GOLM2: variants seen among roughly 807,000 people sequenced by gnomAD.
The protein encoded by GOLM2 is protein GOLM2.
In GOLM2, 26 loss-of-function variants were observed where a neutral mutation model predicts 55.9. The observed-to-expected ratio is 0.47, with a 90% confidence interval of 0.34 to 0.65. GOLM2 has a LOEUF of 0.65. GOLM2 is among the 30% of genes least tolerant of loss of function. The probability of loss-of-function intolerance (pLI) is 0.01; values close to 1 mark genes in which losing one functional copy is unlikely to be tolerated. For missense variants in GOLM2, 486 were observed against 531.8 expected (o/e 0.91, Z 0.85); for synonymous variants, 165 against 194.6 (o/e 0.85, Z 1.27).
intron 6 of GOLM2, among the ~76,000 whole-genome samples, chr15:44,359,067 G>A (rs777717457): frequency 3.3e-5 from 5 of 151,614 alleles, no homozygotes; most frequent in South Asian, 4.2e-4. Flanking sequence ...GGAGAATGGC[G>A]TGAACCAGGG....
At chr15:44,324,703 A>T (rs942593471) in intron 2 of GOLM2, among the ~76,000 whole-genome samples, 6 of 151,984 alleles carry the variant, frequency 3.9e-5, no homozygotes, top group African/African-American at 1.4e-4. Context: ...CCTTGTTTTT[A>T]TGCCTGTTAC....
intron 1 of GOLM2, among the ~76,000 whole-genome samples, chr15:44,318,303 A>C (rs1484356548): frequency 1.3e-5 from 2 of 152,176 alleles, no homozygotes; most frequent in Non-Finnish European, 2.9e-5. Flanking sequence ...CCCACCTCTG[A>C]CTTAGACCAA....
chr15:44,334,138 C>G (rs994143362), intron 4 of GOLM2, among the ~76,000 whole-genome samples: 5 of 152,150 alleles, frequency 3.3e-5, no homozygotes, highest in African/African-American at 4.8e-5. Context: ...TAATGCTTCT[C>G]CAATTCTTCC....
intron 8 of GOLM2, among the ~76,000 whole-genome samples, chr15:44,387,803 T>C (rs1431798291): frequency 6.6e-6 from 1 of 152,012 alleles, no homozygotes; most frequent in Non-Finnish European, 1.5e-5. Flanking sequence ...TTTGTGTGTG[T>C]TGATCTTGTA....
At chr15:44,397,970 C>A (rs2079538791) in intron 8 of GOLM2, among the ~76,000 whole-genome samples, 1 of 152,178 alleles carries the variant, frequency 6.6e-6, no homozygotes. Context: ...GTATCTGATT[C>A]ATCAGTTTCT....
At chr15:44,363,251 C>G (rs1200019019) in intron 6 of GOLM2, among the ~76,000 whole-genome samples, 4 of 152,090 alleles carry the variant, frequency 2.6e-5, no homozygotes, top group African/African-American at 9.7e-5. Context: ...TCAGAGTGAA[C>G]AGGCAACCCA....
intron 1 of GOLM2, among the ~76,000 whole-genome samples, chr15:44,321,880 C>A (rs1017474375): frequency 4.6e-5 from 7 of 151,644 alleles, no homozygotes; most frequent in Non-Finnish European, 1.0e-4. Context: ...AGCAAGACCC[C>A]GTCTCTGCAA....
At chr15:44,307,048 G>A (rs892597025) in intron 1 of GOLM2, among the ~76,000 whole-genome samples, 1 of 152,150 alleles carries the variant, frequency 6.6e-6, no homozygotes, top group South Asian at 2.1e-4. Context: ...GACATGAAGT[G>A]AGCACATGTT....
In GOLM2 at chr15:44,347,692, G is replaced by A. The variant is rs139804554; in HGVS notation, c.802+9375G>A. Reference sequence around the variant, plus strand: ...CTGGGATCAGAGCCAGTGGTCTTGCGGGGGCACACAACCTAGTGAGACAGC... The same window carrying A: ...CTGGGATCAGAGCCAGTGGTCTTGCAGGGGCACACAACCTAGTGAGACAGC... On this transcript the variant is annotated intron_variant, in intron 6 of 9. Transcript: ENST00000299957. Among the ~76,000 whole-genome samples the A allele has an allele frequency of 4.6e-4, 70 of 152,222 alleles. 1 individual carries two copies. The East Asian group carries it at 0.013, about 29-fold the overall frequency.
rs575172586 is a variant in GOLM2 at position 44,406,158 on chromosome 15, T to G, written c.1240+3104T>G. Among the ~76,000 whole-genome samples the G allele has an allele frequency of 2.0e-5, 3 of 152,084 alleles. No individual in the cohort carries two copies. In the South Asian group the frequency reaches 6.3e-4, roughly 32 times the overall value. ...GCTCACACCTGTAATCCCAGAACTT[T>G]GGGAGGCCAAGGCAGGCGGATCACC... On this transcript the variant is annotated intron_variant, in intron 9 of 9. Transcript: ENST00000299957.
At position 44,290,648 on chromosome 15, in the gene GOLM2, T is replaced by C. The variant is rs117964614; in HGVS notation, c.327+1292T>C. 4.2e-3 allele frequency among the ~76,000 whole-genome samples: 641 copies of C among 152,304 alleles called. 17 individuals carry two copies. The highest frequency in any genetic ancestry group is 0.042 in the East Asian group (218 of 5,188). ...CAGAGTAGGTAGAAATCCATGAAAG[T>C]TTGGAGTATTAAAGTAAGGTCTTCC... On this transcript the variant is annotated intron_variant, in intron 1 of 9. Transcript: ENST00000299957.
chr15:44,410,278 A>C (rs2079628933), intron 9 of GOLM2, among the ~76,000 whole-genome samples: 1 of 152,164 alleles, frequency 6.6e-6, no homozygotes, highest in Admixed American at 6.6e-5. Context: ...CTCTACTAAA[A>C]AAATACAAAA....
chr15:44,337,673 A>T, intron 4 of GOLM2, 90 bp from the exon 5 acceptor site: 1 of 896,510 alleles, frequency 1.1e-6, no homozygotes, highest in Non-Finnish European at 1.6e-6. Context: ...GTTTTACAAG[A>T]TGAACTGTTT....
At chr15:44,386,086 A>G (rs1409574141) in intron 8 of GOLM2, among the ~76,000 whole-genome samples, 1 of 152,194 alleles carries the variant, frequency 6.6e-6, no homozygotes, top group African/African-American at 2.4e-5. Context: ...TACTTTGAGT[A>G]TCATATCTAA....
At chr15:44,299,577 T>C (rs2078782577) in intron 1 of GOLM2, among the ~76,000 whole-genome samples, 1 of 152,064 alleles carries the variant, frequency 6.6e-6, no homozygotes, top group African/African-American at 2.4e-5. Flanking sequence ...ACTACTCTTA[T>C]ATAATATATA....
chr15:44,374,697 G>T, intron 6 of GOLM2, among the ~76,000 whole-genome samples: 1 of 152,272 alleles, frequency 6.6e-6, no homozygotes, highest in Middle Eastern at 3.4e-3. Flanking sequence ...AGGGGAAGGT[G>T]CCATACACTT....
At chr15:44,398,633 A>G (rs1423443900) in intron 8 of GOLM2, among the ~76,000 whole-genome samples, 1 of 150,456 alleles carries the variant, frequency 6.6e-6, no homozygotes. Flanking sequence ...GATTTAAACA[A>G]TGAACACAAG....
intron 9 of GOLM2, 120 bp downstream of exon 9, chr15:44,403,174 T>C: frequency 8.3e-7 from 1 of 1,205,610 alleles, no homozygotes; most frequent in South Asian, 1.3e-5. Context: ...TTTTTGTTTT[T>C]TCTTTGTGAC....
intron 4 of GOLM2, 50 bp from the exon 5 acceptor site, chr15:44,337,713 G>A: frequency 7.5e-7 from 1 of 1,339,560 alleles, no homozygotes; most frequent in South Asian, 1.4e-5. Flanking sequence ...TTGTGTCGGT[G>A]GTTTAACAAT....
Sources: allele counts gnomAD v4.1 joint callset (sites outside exome capture counted in the v4.1 genomes callset), GRCh38; gene constraint gnomAD v4.1.1; transcripts MANE v1.5; gene names NCBI Gene and HGNC (gene_info 2026-07-23, HGNC 2026-07-21).